Variants in CTIF observed in about 807,000 individuals in gnomAD.
CTIF encodes the protein cap binding complex dependent translation initiation factor, also known as CBP80/20-dependent translation initiation factor.
A neutral mutation model predicts 66.0 loss-of-function variants in CTIF; 21 were observed. That is an observed-to-expected ratio of 0.32 (90% confidence interval 0.23 to 0.46). The LOEUF is 0.46. CTIF is among the 20% of genes least tolerant of loss of function. CTIF has a pLI of 1.00. For missense variants in CTIF, 739 were observed against 812.7 expected (o/e 0.91, Z 1.10); for synonymous variants, 345 against 326.4 (o/e 1.06, Z -0.62).
rs117874482 is a variant in CTIF, at chr18:48,730,025, G to A, written c.584+18330G>A. ...AGTCTCAGGTGAAGTAATAGTAGCC[G>A]GCTTTGTCCACAGCTGTGCTGCCCA... is the stretch of plus-strand genomic sequence containing the variant. On this transcript the variant is annotated intron_variant, in intron 7 of 11. Coordinates refer to ENST00000256413, the MANE Select transcript of CTIF (RefSeq NM_014772.3). Among the ~76,000 whole-genome samples, 13 of 152,334 alleles carry A rather than the reference G, an allele frequency of 8.5e-5. No homozygotes were observed. The East Asian group carries it at 9.6e-4, about 11-fold the overall frequency.
chr18:48,656,620 T>C (rs915194290), intron 3 of CTIF, among the ~76,000 whole-genome samples: 34 of 152,196 alleles, frequency 2.2e-4, no homozygotes, highest in African/African-American at 8.0e-4. Context: ...TGGCTTAAAG[T>C]GCTCATTATC....
intron 5 of CTIF, 30 bp downstream of exon 5, chr18:48,664,581 T>G (rs748187299): frequency 1.3e-6 from 2 of 1,590,704 alleles, no homozygotes; most frequent in Non-Finnish European, 1.7e-6. Context: ...TTACCCAGGG[T>G]GGGGTGGGGC....
chr18:48,711,440 A>G (rs1210953668), intron 6 of CTIF, among the ~76,000 whole-genome samples, 179 bp from the exon 7 acceptor site: 1 of 152,166 alleles, frequency 6.6e-6, no homozygotes, highest in Non-Finnish European at 1.5e-5. Context: ...GCCTGGTAGG[A>G]AGTTCATTGA....
intron 10 of CTIF, among the ~76,000 whole-genome samples, chr18:48,848,363 C>A (rs1410220645): frequency 1.3e-5 from 2 of 152,192 alleles, no homozygotes; most frequent in African/African-American, 2.4e-5. Flanking sequence ...CACTTTGGCT[C>A]CCTCATGGCT....
intron 9 of CTIF, among the ~76,000 whole-genome samples, chr18:48,812,201 C>T (rs9963441): frequency 0.49 from 74,531 of 152,048 alleles, 19,485 homozygotes; most frequent in African/African-American, 0.67. Flanking sequence ...TGACCTCAAG[C>T]GATCGACCTG....
intron 9 of CTIF, among the ~76,000 whole-genome samples, chr18:48,762,968 C>G (rs1443619940): frequency 6.6e-6 from 1 of 152,234 alleles, no homozygotes; most frequent in Non-Finnish European, 1.5e-5. Context: ...CTCTCCTGCT[C>G]CAGGCCCTGA....
chr18:48,782,930 G>A (rs1911378468), intron 9 of CTIF, among the ~76,000 whole-genome samples: 1 of 152,216 alleles, frequency 6.6e-6, no homozygotes, highest in Non-Finnish European at 1.5e-5. Context: ...AGCCCATGGG[G>A]CAGGAGTGGG....
At chr18:48,639,836 C>T (rs973600005) in intron 3 of CTIF, among the ~76,000 whole-genome samples, 1 of 152,178 alleles carries the variant, frequency 6.6e-6, no homozygotes, top group African/African-American at 2.4e-5. Context: ...CTCATACCCA[C>T]GTCCATGCAT....
At chr18:48,825,238 A>G (rs2068560069) in intron 10 of CTIF, among the ~76,000 whole-genome samples, 1 of 151,826 alleles carries the variant, frequency 6.6e-6, no homozygotes, top group African/African-American at 2.4e-5. Flanking sequence ...TCTCCCCTCC[A>G]GGCCCCAGAA....
chr18:48,797,495 G>T (rs62103272), intron 9 of CTIF, among the ~76,000 whole-genome samples: 29,927 of 148,024 alleles, frequency 0.2, 3,505 homozygotes, highest in African/African-American at 0.28. Flanking sequence ...AAAGAAAAGG[G>T]GTGGGGGGGC....
At chr18:48,834,089 C>T (rs995963588) in intron 10 of CTIF, among the ~76,000 whole-genome samples, 9 of 149,288 alleles carry the variant, frequency 6.0e-5, no homozygotes, top group African/African-American at 1.7e-4. Context: ...AGATGAGGGT[C>T]GGCAAATGTC....
intron 10 of CTIF, among the ~76,000 whole-genome samples, chr18:48,818,813 G>A (rs149878181): frequency 0.012 from 1,793 of 152,252 alleles, 16 homozygotes; most frequent in Non-Finnish European, 0.019. Context: ...GACCAGGACA[G>A]AAAAGTGTCC....
At chr18:48,666,837 C>T (rs939681898) in intron 5 of CTIF, among the ~76,000 whole-genome samples, 3 of 152,220 alleles carry the variant, frequency 2.0e-5, no homozygotes, top group African/African-American at 7.2e-5. Context: ...CTGAGCTGCA[C>T]AGGGCTGGGC....
intron 1 of CTIF, among the ~76,000 whole-genome samples, chr18:48,578,515 C>T (rs2089584535): frequency 6.6e-6 from 1 of 152,178 alleles, no homozygotes; most frequent in African/African-American, 2.4e-5. Flanking sequence ...TTATAGTCAT[C>T]CTAGTGGGTG....
At chr18:48,681,241 G>T (rs1598858633) in intron 6 of CTIF, among the ~76,000 whole-genome samples, 1 of 152,234 alleles carries the variant, frequency 6.6e-6, no homozygotes, top group East Asian at 1.9e-4. Context: ...AGGGGGGCTG[G>T]GGGGTCAGGC....
At chr18:48,816,125 C>A (rs1483978453) in intron 9 of CTIF, among the ~76,000 whole-genome samples, 1 of 152,140 alleles carries the variant, frequency 6.6e-6, no homozygotes, top group Admixed American at 6.5e-5. Context: ...TTAGGTGAGG[C>A]CCTGTCGCAT....
At chr18:48,587,911 C>T (rs1208598132) in intron 1 of CTIF, among the ~76,000 whole-genome samples, 1 of 152,204 alleles carries the variant, frequency 6.6e-6, no homozygotes, top group Non-Finnish European at 1.5e-5. Flanking sequence ...CACAGCCAAT[C>T]GCCTTTCTCC....
intron 7 of CTIF, among the ~76,000 whole-genome samples, chr18:48,754,448 C>T (rs1336417999): frequency 6.6e-6 from 1 of 152,204 alleles, no homozygotes; most frequent in African/African-American, 2.4e-5. Flanking sequence ...AGCAATCACT[C>T]ACCCTGAGAA....
At chr18:48,838,132 C>T (rs1394421304) in intron 10 of CTIF, among the ~76,000 whole-genome samples, 4 of 152,040 alleles carry the variant, frequency 2.6e-5, no homozygotes, top group Admixed American at 6.5e-5. Context: ...AGGAAGAGTT[C>T]TCACTTCTCC....
Sources: gnomAD v4.1 joint callset for allele counts (sites outside exome capture counted in the v4.1 genomes callset) on GRCh38, gnomAD v4.1.1 for gene constraint, MANE v1.5 for transcripts, NCBI Gene and HGNC (gene_info 2026-07-23, HGNC 2026-07-21) for gene names.